The following ZNF14 variants were observed in gnomAD, a reference collection of about 807,000 sequenced individuals.
ZNF14 encodes the protein gonadotropin inducible transcription repressor-4.
Under a neutral mutation model 11.3 loss-of-function variants are expected in ZNF14, and 9 were observed. That is an observed-to-expected ratio of 0.80 (90% CI 0.48 to 1.39). The LOEUF is 1.39. ZNF14 is among the 40% of genes most tolerant of loss of function. ZNF14 has a pLI of 0.00. For synonymous variants in ZNF14, 239 were observed against 245.7 expected, an observed-to-expected ratio of 0.97 and a Z score of 0.25; for missense variants, 711 against 763.9, an observed-to-expected ratio of 0.93 and a Z score of 0.82.
chr19:19,718,973 C>A (rs967357760), intron 1 of ZNF14, among the ~76,000 whole-genome samples: 3 of 152,068 alleles, frequency 2.0e-5, no homozygotes, highest in Non-Finnish European at 4.4e-5. Context: ...GCCATGTTGG[C>A]CAGGTGGGTG....
chr19:19,728,613 G>A (rs2062413355), intron 1 of ZNF14, among the ~76,000 whole-genome samples: 1 of 129,242 alleles, frequency 7.7e-6, no homozygotes, highest in Admixed American at 7.7e-5. Context: ...TACTTGATGT[G>A]AATTCTGGTA....
At chr19:19,714,064 C>T in intron 3 of ZNF14, 27 bp downstream of exon 3, 1 of 1,606,304 alleles carries the variant, frequency 6.2e-7, no homozygotes, top group Admixed American at 1.7e-5. Flanking sequence ...CCCCACGGGC[C>T]ACTATTTTTC....
chr19:19,714,026 T>G (rs2062370255), intron 3 of ZNF14, 65 bp downstream of exon 3: 1 of 1,442,176 alleles, frequency 6.9e-7, no homozygotes, highest in Non-Finnish European at 9.6e-7. Context: ...CTGTGCTTAA[T>G]TGTTTTGCTT....
At chr19:19,732,831 G>T in intron 1 of ZNF14, 125 bp downstream of exon 1, 1 of 1,326,944 alleles carries the variant, frequency 7.5e-7, no homozygotes, top group South Asian at 1.4e-5. Flanking sequence ...ACCGAGGGCC[G>T]AACTGCGCCC....
intron 1 of ZNF14, among the ~76,000 whole-genome samples, chr19:19,723,105 C>T (rs2062397451): frequency 6.6e-6 from 1 of 152,150 alleles, no homozygotes; most frequent in South Asian, 2.1e-4. Context: ...CCAGAACTTC[C>T]AACACTATAT....
intron 1 of ZNF14, among the ~76,000 whole-genome samples, chr19:19,725,724 T>C (rs1288953296): frequency 7.5e-6 from 1 of 134,118 alleles, no homozygotes; most frequent in Non-Finnish European, 1.7e-5. Flanking sequence ...CAATCAGATG[T>C]AGATTTGTAT....
chr19:19,732,663 C>T (rs1438969385), intron 1 of ZNF14, among the ~76,000 whole-genome samples: 1 of 152,256 alleles, frequency 6.6e-6, no homozygotes, highest in African/African-American at 2.4e-5. Flanking sequence ...GGGATCTCCC[C>T]AGGACCCTCC....
chr19:19,731,687 AG>A (rs1250142731), intron 1 of ZNF14, among the ~76,000 whole-genome samples: 8 of 152,362 alleles, frequency 5.3e-5, no homozygotes, highest in African/African-American at 1.9e-4. Context: ...CAACCACACG[AG>A]GAAAGAAAAA....
intron 1 of ZNF14, among the ~76,000 whole-genome samples, chr19:19,721,911 C>T (rs1438402726): frequency 6.7e-6 from 1 of 148,614 alleles, no homozygotes; most frequent in Non-Finnish European, 1.5e-5. Context: ...TGCAGTGAGC[C>T]AACATTGCGC....
At chr19:19,724,220 G>A (rs1458573639) in intron 1 of ZNF14, among the ~76,000 whole-genome samples, 1 of 132,294 alleles carries the variant, frequency 7.6e-6, no homozygotes, top group African/African-American at 2.8e-5. Context: ...TGGGCATTTC[G>A]TGCTATAAAT....
At chr19:19,719,355 G>A (rs1279216256) in intron 1 of ZNF14, among the ~76,000 whole-genome samples, 2 of 152,176 alleles carry the variant, frequency 1.3e-5, no homozygotes, top group Non-Finnish European at 2.9e-5. Context: ...TCTGACAGAT[G>A]AGTTTGTCCA....
chr19:19,721,109 C>CACCATG (rs2062392242), intron 1 of ZNF14, among the ~76,000 whole-genome samples: 3 of 152,300 alleles, frequency 2.0e-5, no homozygotes, highest in Admixed American at 2.0e-4. Context: ...AGGCACGCAC[C>CACCATG]ACCATGCCCG....
At chr19:19,721,606 C>T (rs1425357810) in intron 1 of ZNF14, among the ~76,000 whole-genome samples, 4 of 152,126 alleles carry the variant, frequency 2.6e-5, no homozygotes, top group East Asian at 3.9e-4. Flanking sequence ...CCACTCACCT[C>T]GTATTTTTAA....
chr19:19,730,837 G>A (rs1463195584), intron 1 of ZNF14, among the ~76,000 whole-genome samples: 1 of 152,126 alleles, frequency 6.6e-6, no homozygotes, highest in Non-Finnish European at 1.5e-5. Context: ...GCTTGAACCT[G>A]GAAGGCGGAG....
At position 19,712,704 on chromosome 19, in the gene ZNF14, C is replaced by G. The variant is rs1374399510; in HGVS notation, c.577G>C (p.Gly193Arg). 4 of 1,613,280 alleles carry G rather than the reference C, an allele frequency of 2.5e-6. No individual in the cohort carries two copies. The African/African-American group carries it at 4.0e-5, about 16-fold the overall frequency. ...TGCTTACATTCATAGGGTTTCTGTC[C>G]AGCATGAGTCCTTTCATGTCTTTGA... The part of the protein sequence containing the change: ...PFQRHERTHA[G>R]QKPYECKQCG... Residue 193 changes from glycine (G) to arginine (R), a missense_variant, in exon 4 of 4, where the codon GGA becomes CGA. Coordinates refer to ENST00000344099, the MANE Select transcript of ZNF14 (RefSeq NM_021030.3).
At chr19:19,718,119 A>G (rs1430472872) in intron 1 of ZNF14, among the ~76,000 whole-genome samples, 1 of 152,222 alleles carries the variant, frequency 6.6e-6, no homozygotes, top group Non-Finnish European at 1.5e-5. Context: ...ACGAAATACA[A>G]AAAGGTTTTA....
At chr19:19,714,040 T>C (rs1284915878) in intron 3 of ZNF14, 51 bp downstream of exon 3, 1 of 1,475,964 alleles carries the variant, frequency 6.8e-7, no homozygotes. Context: ...TTTGCTTGCT[T>C]TCTTTTGAAA....
intron 1 of ZNF14, among the ~76,000 whole-genome samples, chr19:19,731,329 C>T (rs565320684): frequency 1.1e-4 from 16 of 152,074 alleles, no homozygotes; most frequent in Non-Finnish European, 2.4e-4. Flanking sequence ...AATCCCAGCA[C>T]TTTGGGAGGT....
intron 1 of ZNF14, among the ~76,000 whole-genome samples, chr19:19,714,713 C>CTTTTTCTT (rs1555761422): frequency 2.4e-5 from 3 of 122,850 alleles, no homozygotes; most frequent in South Asian, 2.7e-4. Flanking sequence ...TTTTCTTTTT[C>CTTTTTCTT]TTTTTTTTTT....
Sources: allele counts gnomAD v4.1 joint callset (sites outside exome capture counted in the v4.1 genomes callset), GRCh38; gene constraint gnomAD v4.1.1; transcripts MANE v1.5; gene names NCBI Gene and HGNC (gene_info 2026-07-23, HGNC 2026-07-21).